CEP70: variants seen among roughly 807,000 people sequenced by gnomAD.
The protein encoded by CEP70 is centrosomal protein of 70 kDa.
CEP70 carries 70 observed loss-of-function variants against 90.9 expected under a neutral mutation model. The observed-to-expected ratio is 0.77, with a 90% CI of 0.64 to 0.94. The LOEUF is 0.94. Ranked by LOEUF, CEP70 falls within the 40% of genes least tolerant of loss-of-function variation. The probability of loss-of-function intolerance (pLI) is 0.00; values close to 1 mark genes in which losing one functional copy is unlikely to be tolerated. For synonymous variants in CEP70, 220 were observed against 228.3 expected (o/e 0.96, Z 0.33); for missense variants, 648 against 669.0 (o/e 0.97, Z 0.35).
intron 13 of CEP70, among the ~76,000 whole-genome samples, 156 bp from the exon 14 acceptor site, chr3:138,501,037 C>A (rs995020291): frequency 6.6e-6 from 1 of 150,898 alleles, no homozygotes; most frequent in Non-Finnish European, 1.5e-5. Context: ...ATATATGTAA[C>A]CATCATTTTT....
chr3:138,505,465 C>A lies in CEP70; in HGVS notation c.1051G>T (p.Val351Leu), dbSNP rs1248990888. The A allele has an allele frequency of 3.2e-6, 5 of 1,565,976 alleles. No homozygotes were observed. Among genetic ancestry groups the A allele is most frequent in the South Asian group, 1.2e-5 (1 of 81,722 alleles). The change falls in exon 13 of 18, where the codon GTG (valine) becomes TTG (leucine). Residue 351 changes from valine (V) to leucine (L), a missense_variant and splice_region_variant. Coordinates refer to ENST00000264982, the MANE Select transcript of CEP70 (RefSeq NM_024491.4). ...QALIDQRYFQ[V>L]LCSINSIIHN... ...ATAATTGAATTGATGCTACACAGCA[C>A]CTTTAAAAAAACATAGTGTATATAG... is the stretch of plus-strand genomic sequence containing the variant.
At chr3:138,499,848 C>T (rs1383544898) in intron 16 of CEP70, 3 of 347,520 alleles carry the variant, frequency 8.6e-6, no homozygotes, top group Non-Finnish European at 1.6e-5. Flanking sequence ...GTCACACACA[C>T]ACACAAAAGA....
Position 138,500,434 on chromosome 3 carries a change from T to C in CEP70, c.1502A>G (p.Asn501Ser), listed in dbSNP as rs763954561. 5 of 1,603,432 alleles carry C rather than the reference T, an allele frequency of 3.1e-6. No homozygotes were observed. The highest frequency in any genetic ancestry group is 1.3e-5 in the African/African-American group (1 of 74,192). ...EVYTRLGEMN[N>S]AVRNLQELLE... ...GAGTTCTTGGAGGTTTCTCACAGCA[T>C]TGTTCATTTCTCCAAGCCTAGTATA... Residue 501 changes from asparagine (N) to serine (S), a missense_variant, in exon 15 of 18, where the codon AAT (asparagine) becomes AGT (serine). Asn to Ser is a conservative substitution (Grantham distance 46). Coordinates refer to ENST00000264982, the MANE Select transcript of CEP70 (RefSeq NM_024491.4).
chr3:138,580,270 C>T (rs2041784061), intron 2 of CEP70, among the ~76,000 whole-genome samples: 1 of 152,122 alleles, frequency 6.6e-6, no homozygotes, highest in Admixed American at 6.5e-5. Context: ...GTAGGGCCGG[C>T]CACAGGGATG....
chr3:138,586,426 A>G (rs1005405456), intron 2 of CEP70, among the ~76,000 whole-genome samples: 3 of 152,220 alleles, frequency 2.0e-5, no homozygotes, highest in Non-Finnish European at 2.9e-5. Flanking sequence ...AAGCAACCCA[A>G]GTGTCCACTG....
At chr3:138,532,413 G>T in intron 8 of CEP70, 101 bp downstream of exon 8, 1 of 1,022,428 alleles carries the variant, frequency 9.8e-7, no homozygotes. Flanking sequence ...GACATATTAG[G>T]TGGATTTCCA....
chr3:138,505,280 T>G lies in CEP70; in HGVS notation c.1221+15A>C, dbSNP rs375571497. The G allele has an allele frequency of 6.3e-7, 1 of 1,580,752 alleles. No homozygotes were observed. Among genetic ancestry groups the G allele is most frequent in the African/African-American group, 1.4e-5 (1 of 73,604 alleles). ...AATAGATGTTCAAAGCATATAATCA[T>G]AGTCAACCCCTTACCTTTAAGGATG... is the stretch of plus-strand genomic sequence containing the variant. On this transcript the variant is annotated intron_variant, in intron 13 of 17. Coordinates refer to ENST00000264982, the MANE Select transcript of CEP70 (RefSeq NM_024491.4).
intron 2 of CEP70, among the ~76,000 whole-genome samples, chr3:138,573,668 C>T (rs909844852): frequency 6.6e-6 from 1 of 151,972 alleles, no homozygotes; most frequent in African/African-American, 2.4e-5. Flanking sequence ...AAAAAATGGG[C>T]GAGTTTAAAC....
intron 6 of CEP70, among the ~76,000 whole-genome samples, chr3:138,564,448 A>G (rs1050488637): frequency 2.9e-4 from 44 of 152,244 alleles, no homozygotes; most frequent in African/African-American, 9.9e-4. Flanking sequence ...AAAATCCTCA[A>G]TAAAATACTG....
chr3:138,524,949 A>G (rs1204812464), intron 11 of CEP70, among the ~76,000 whole-genome samples: 1 of 152,224 alleles, frequency 6.6e-6, no homozygotes, highest in African/African-American at 2.4e-5. Flanking sequence ...ATGCTGCTAT[A>G]AAGGCACATG....
At chr3:138,567,618 T>G (rs2040879399) in intron 6 of CEP70, among the ~76,000 whole-genome samples, 1 of 152,198 alleles carries the variant, frequency 6.6e-6, no homozygotes, top group African/African-American at 2.4e-5. Flanking sequence ...TGACTAGCCC[T>G]TATCTGTCAT....
chr3:138,541,764 A>G (rs1163862983), intron 6 of CEP70, among the ~76,000 whole-genome samples: 3 of 152,216 alleles, frequency 2.0e-5, no homozygotes, highest in Non-Finnish European at 4.4e-5. Context: ...GCTCATGCCT[A>G]TAATCCCAGC....
intron 2 of CEP70, among the ~76,000 whole-genome samples, chr3:138,579,038 A>G (rs1222525690): frequency 6.6e-6 from 1 of 152,188 alleles, no homozygotes; most frequent in African/African-American, 2.4e-5. Context: ...GGTAACGGCC[A>G]GCCATGTGGC....
Position 138,522,705 on chromosome 3 carries a change from T to C in CEP70, c.944+2785A>G, listed in dbSNP as rs1323464626. On this transcript the variant is annotated intron_variant, in intron 11 of 17. Transcript: ENST00000264982. ...GTTGAATCTCTGAATAGACCAATAA[T>C]AGGCTCTGAAATTGAGGCAATAATT... 5.9e-5 allele frequency among the ~76,000 whole-genome samples: 9 copies of C among 152,096 alleles called. No individual in the cohort carries two copies. The East Asian group carries it at 1.2e-3, about 20-fold the overall frequency.
At chr3:138,499,787 C>CACACACACAT (rs1314893014) in intron 16 of CEP70, 1 of 226,128 alleles carries the variant, frequency 4.4e-6, no homozygotes, top group Non-Finnish European at 8.9e-6. Flanking sequence ...TCTCTCTACA[C>CACACACACAT]ACACACACAC....
At position 138,525,486 on chromosome 3, in the gene CEP70, T is replaced by A. The variant is rs751560079; in HGVS notation, c.944+4A>T. 1 of 1,322,956 alleles carries A rather than the reference T, an allele frequency of 7.6e-7. No individual in the cohort carries two copies. The highest frequency in any genetic ancestry group is 1.0e-6 in the Non-Finnish European group (1 of 1,001,496). 82.0% of individuals were successfully genotyped at this position (1,322,956 alleles called of 1,614,324 possible). On this transcript the variant is annotated splice_donor_region_variant and intron_variant, in intron 11 of 17. Coordinates refer to ENST00000264982, the MANE Select transcript of CEP70 (RefSeq NM_024491.4). Reference sequence around the variant, plus strand: ...AGAGGCAATTTTGGTAAAAATATAATTACTTGACGTTTTTCTTAAGGGCTT... The same window carrying A: ...AGAGGCAATTTTGGTAAAAATATAAATACTTGACGTTTTTCTTAAGGGCTT...
At chr3:138,544,233 A>AG (rs1003960610) in intron 6 of CEP70, among the ~76,000 whole-genome samples, 2 of 152,028 alleles carry the variant, frequency 1.3e-5, no homozygotes, top group African/African-American at 4.8e-5. Context: ...CTAAAAAAAA[A>AG]GCAAAAAATT....
At chr3:138,570,551 T>A in intron 5 of CEP70, 53 bp from the exon 6 acceptor site, 2 of 1,357,334 alleles carry the variant, frequency 1.5e-6, no homozygotes, top group Non-Finnish European at 2.0e-6. Flanking sequence ...TAAATCGAAT[T>A]ACCAAGCATA....
chr3:138,525,612 G>A, intron 10 of CEP70, 48 bp from the exon 11 acceptor site: 1 of 865,080 alleles, frequency 1.2e-6, no homozygotes, highest in Non-Finnish European at 1.7e-6. Flanking sequence ...CTGAATAAAA[G>A]CATAAAGGTA....
Sources: allele counts gnomAD v4.1 joint callset (sites outside exome capture counted in the v4.1 genomes callset), GRCh38; gene constraint gnomAD v4.1.1; transcripts MANE v1.5; gene names NCBI Gene and HGNC (gene_info 2026-07-23, HGNC 2026-07-21).